SND1: variants seen among roughly 807,000 people sequenced by gnomAD.
The protein encoded by SND1 is staphylococcal nuclease domain-containing protein 1.
In SND1, 38 loss-of-function variants were observed where a neutral mutation model predicts 121.7. The ratio of observed to expected loss-of-function variants is 0.31; its 90% CI spans 0.24 to 0.41. The LOEUF (loss-of-function observed/expected upper bound fraction) is 0.41, where lower values mean the gene tolerates loss of function less well. Among genes scored for constraint, SND1 ranks in the 10% least tolerant of loss-of-function variants. SND1 has a pLI of 1.00. For synonymous variants in SND1, 401 were observed against 447.4 expected, an observed-to-expected ratio of 0.90 and a Z score of 1.31; for missense variants, 868 against 1,184.6, an observed-to-expected ratio of 0.73 and a Z score of 3.92.
intron 12 of SND1, among the ~76,000 whole-genome samples, chr7:127,846,828 G>T (rs1799072821): frequency 6.6e-6 from 1 of 152,154 alleles, no homozygotes; most frequent in African/African-American, 2.4e-5. Flanking sequence ...ATGATTGGAA[G>T]CTCACTGCCA....
chr7:128,029,452 G>T lies in SND1; in HGVS notation c.1779+38396G>T, dbSNP rs1482476773. 3 of 1,614,198 alleles carry T rather than the reference G, an allele frequency of 1.9e-6. No individual in the cohort carries two copies. Among genetic ancestry groups the T allele is most frequent in the Non-Finnish European group, 2.5e-6 (3 of 1,180,044 alleles). On this transcript the variant is annotated intron_variant, in intron 16 of 23. Transcript: ENST00000354725. This position sits in a 1 kb window ranked among gnomAD's most constrained non-coding sequence, Gnocchi z 4.2. ...TTGAGGACAGAGATCCTTGGGTGGC[G>T]GGAGGCGTGGCTGAGCACTGTCCCA... is the stretch of plus-strand genomic sequence containing the variant.
chr7:127,993,860 A>T (rs965608030), intron 16 of SND1, among the ~76,000 whole-genome samples: 1 of 152,232 alleles, frequency 6.6e-6, no homozygotes, highest in Non-Finnish European at 1.5e-5. Context: ...GATCCGACAG[A>T]GGCCTGGTCA....
chr7:127,943,884 T>C (rs1801269659), intron 15 of SND1, among the ~76,000 whole-genome samples: 2 of 152,222 alleles, frequency 1.3e-5, no homozygotes, highest in Non-Finnish European at 2.9e-5. Context: ...ATTTTTTCAT[T>C]ACATTTGTTA....
chr7:127,666,940 TGAG>T (rs1275882251), intron 1 of SND1, among the ~76,000 whole-genome samples: 9 of 152,218 alleles, frequency 5.9e-5, no homozygotes, highest in African/African-American at 1.9e-4. Flanking sequence ...ATTTTAATAA[TGAG>T]GAGAATCCTA....
At chr7:127,907,946 C>T (rs1426873004) in intron 14 of SND1, among the ~76,000 whole-genome samples, 1 of 152,128 alleles carries the variant, frequency 6.6e-6, no homozygotes. Flanking sequence ...TTGGAAGTGA[C>T]TCATCTAAGC....
At chr7:127,792,521 C>G (rs1358503232) in intron 10 of SND1, among the ~76,000 whole-genome samples, 1 of 152,102 alleles carries the variant, frequency 6.6e-6, no homozygotes, top group African/African-American at 2.4e-5. Flanking sequence ...GAAAAGAACC[C>G]TAAGGGTAGC....
chr7:127,686,925 G>A, intron 2 of SND1, 163 bp downstream of exon 2: 1 of 711,282 alleles, frequency 1.4e-6, no homozygotes, highest in East Asian at 2.9e-5. Context: ...TGTATCTGTT[G>A]TTTATATGTT....
chr7:128,026,214 C>G (rs908582654), intron 16 of SND1, among the ~76,000 whole-genome samples: 6 of 152,098 alleles, frequency 3.9e-5, no homozygotes, highest in African/African-American at 1.4e-4. Context: ...CCTTTGCTCT[C>G]CTGCAGTTTT....
chr7:128,028,298 G>A (rs1296490325), intron 16 of SND1: 1 of 170,938 alleles, frequency 5.9e-6, no homozygotes, highest in East Asian at 1.7e-4. Context: ...AAAAATGACA[G>A]ATTCAGTCTA....
chr7:127,796,078 C>G (rs1165863992), intron 10 of SND1, among the ~76,000 whole-genome samples: 1 of 151,598 alleles, frequency 6.6e-6, no homozygotes, highest in Admixed American at 6.6e-5. Flanking sequence ...AGGATGGTCT[C>G]GATCTCCTGA....
At chr7:128,011,022 AT>A (rs1304297043) in intron 16 of SND1, among the ~76,000 whole-genome samples, 1 of 152,156 alleles carries the variant, frequency 6.6e-6, no homozygotes, top group Admixed American at 6.5e-5. Flanking sequence ...TATTTTTTTA[AT>A]GAAATAAATA....
At chr7:128,077,151 AGGCCTCCGCC>A (rs1793519181) in intron 17 of SND1, among the ~76,000 whole-genome samples, 1 of 152,190 alleles carries the variant, frequency 6.6e-6, no homozygotes, top group African/African-American at 2.4e-5. Flanking sequence ...GCAGGCCTAA[AGGCCTCCGCC>A]ACCTTGGCCC....
intron 13 of SND1, among the ~76,000 whole-genome samples, chr7:127,902,723 CT>C (rs79618589): frequency 2.2e-4 from 33 of 148,310 alleles, no homozygotes; most frequent in Admixed American, 2.7e-4. Flanking sequence ...ATTTCTTTTA[CT>C]TTTTTTTTTT....
chr7:127,834,987 C>T (rs756123580), intron 11 of SND1, among the ~76,000 whole-genome samples: 5 of 152,160 alleles, frequency 3.3e-5, no homozygotes, highest in African/African-American at 4.8e-5. Context: ...AATACCTACT[C>T]CCCAGGGAAA....
intron 11 of SND1, among the ~76,000 whole-genome samples, chr7:127,813,420 C>T (rs765219818): frequency 5.6e-4 from 67 of 120,304 alleles, no homozygotes; most frequent in Admixed American, 1.0e-3. Flanking sequence ...ATGGTCTTTT[C>T]GATAATGAGT....
chr7:127,687,743 G>T (rs573391944), intron 2 of SND1, among the ~76,000 whole-genome samples: 7 of 152,250 alleles, frequency 4.6e-5, no homozygotes, highest in African/African-American at 9.6e-5. Flanking sequence ...GAGTGCAGTG[G>T]TGTAATCATG....
intron 10 of SND1, among the ~76,000 whole-genome samples, chr7:127,802,779 C>T (rs325438): frequency 0.055 from 8,357 of 152,182 alleles, 675 homozygotes; most frequent in African/African-American, 0.17. Flanking sequence ...CTTCTCCGTT[C>T]GTCTATTCTA....
At chr7:127,799,982 G>C (rs1439574496) in intron 10 of SND1, among the ~76,000 whole-genome samples, 1 of 152,160 alleles carries the variant, frequency 6.6e-6, no homozygotes, top group African/African-American at 2.4e-5. Flanking sequence ...TAGCTTTCTA[G>C]TTATCAGACC....
At chr7:128,030,548 C>G (rs774156311) in intron 16 of SND1, 1 of 1,613,368 alleles carries the variant, frequency 6.2e-7, no homozygotes, top group Non-Finnish European at 8.5e-7. Flanking sequence ...TGGCTGCACA[C>G]AGAATCCACA....
Sources: allele counts gnomAD v4.1 joint callset (sites outside exome capture counted in the v4.1 genomes callset), GRCh38; gene constraint gnomAD v4.1.1; non-coding constraint Gnocchi (gnomAD v3.1); transcripts MANE v1.5; gene names NCBI Gene and HGNC (gene_info 2026-07-23, HGNC 2026-07-21).